TRIO: variants seen among roughly 807,000 people sequenced by gnomAD.
The protein encoded by TRIO is triple functional domain protein.
Under a neutral mutation model 351.9 loss-of-function variants are expected in TRIO, and 58 were observed. That is an observed-to-expected ratio of 0.16 (90% CI 0.13 to 0.21). TRIO has a LOEUF of 0.21. Among genes scored for constraint, TRIO ranks in the 10% least tolerant of loss-of-function variants. The probability of loss-of-function intolerance (pLI) is 1.00; values close to 1 mark genes in which losing one functional copy is unlikely to be tolerated. For missense variants in TRIO, 3,201 were observed against 4,027.8 expected, an observed-to-expected ratio of 0.79 and a Z score of 5.56; for synonymous variants, 1,758 against 1,595.7, an observed-to-expected ratio of 1.10 and a Z score of -2.42.
intron 1 of TRIO, among the ~76,000 whole-genome samples, chr5:14,182,889 C>CT (rs1789879387): frequency 6.7e-6 from 1 of 148,266 alleles, no homozygotes; most frequent in Non-Finnish European, 1.5e-5. Flanking sequence ...TTGCCGTGCA[C>CT]TTTGTTCTAG....
intron 34 of TRIO, among the ~76,000 whole-genome samples, chr5:14,434,933 A>G (rs1460285066): frequency 6.6e-6 from 1 of 152,230 alleles, no homozygotes; most frequent in African/African-American, 2.4e-5. Context: ...TCTAATAGTA[A>G]ATAAAGCAGT....
chr5:14,200,682 T>C (rs1163405140), intron 1 of TRIO, among the ~76,000 whole-genome samples: 1 of 152,164 alleles, frequency 6.6e-6, no homozygotes, highest in Non-Finnish European at 1.5e-5. Context: ...TAGATATAAG[T>C]GCAGTAAGGG....
rs536129199 is a variant in TRIO, at chr5:14,449,478, A to G, written c.5204-11541A>G. 2.6e-5 allele frequency among the ~76,000 whole-genome samples: 4 copies of G among 152,340 alleles called. No homozygotes were observed. The East Asian group carries it at 5.8e-4, about 22-fold the overall frequency. On this transcript the variant is annotated intron_variant, in intron 34 of 56. Transcript: ENST00000344204. ...GACGTGACTCACTAAGACTAGCCCA[A>G]CAACCACCACTTGATTCCTATGTTG...
chr5:14,427,954 C>T (rs1561479823), intron 34 of TRIO, among the ~76,000 whole-genome samples: 1 of 152,182 alleles, frequency 6.6e-6, no homozygotes, highest in African/African-American at 2.4e-5. Context: ...GACCAAGGTT[C>T]TTCTCTACCT....
Position 14,461,012 on chromosome 5 carries a change from C to T in TRIO, c.5204-7C>T. 6.4e-7 allele frequency: 1 copy of T among 1,556,446 alleles called. No individual in the cohort carries two copies. Among genetic ancestry groups the T allele is most frequent in the East Asian group, 2.4e-5 (1 of 42,434 alleles). The stretch of plus-strand genomic sequence containing the variant: ...TCAGTGATACTCCCTCTCTTTCTCC[C>T]TGGCAGACTCGCTCTCCGTCTCCAG... On this transcript the variant is annotated splice_polypyrimidine_tract_variant and splice_region_variant and intron_variant, in intron 34 of 56. Transcript: ENST00000344204.
chr5:14,253,182 T>C (rs1794839854), intron 1 of TRIO, among the ~76,000 whole-genome samples: 1 of 152,202 alleles, frequency 6.6e-6, no homozygotes, highest in African/African-American at 2.4e-5. Context: ...CACCACGGTC[T>C]TCTGGGTATG....
At chr5:14,289,508 G>A (rs746248032) in intron 4 of TRIO, among the ~76,000 whole-genome samples, 3 of 151,886 alleles carry the variant, frequency 2.0e-5, no homozygotes, top group Non-Finnish European at 2.9e-5. Context: ...TGTAATCATC[G>A]CCACACTCCA....
intron 40 of TRIO, 82 bp from the exon 41 acceptor site, chr5:14,476,798 AAAAAAGAAAAAAAG>A (rs746396985): frequency 5.0e-5 from 57 of 1,133,128 alleles, no homozygotes; most frequent in Admixed American, 4.3e-4. Flanking sequence ...TCTCAAAAAA[AAAAAAGAAAAAAAG>A]AAAAAGAAAA....
At chr5:14,366,378 T>G (rs1744590939) in intron 15 of TRIO, among the ~76,000 whole-genome samples, 1 of 152,162 alleles carries the variant, frequency 6.6e-6, no homozygotes, top group South Asian at 2.1e-4. Context: ...ACAATGTTAT[T>G]CATACCTTGG....
rs1229704722 is a variant in TRIO at position 14,423,738 on chromosome 5, T to C, written c.5203+3717T>C. 3.9e-5 allele frequency among the ~76,000 whole-genome samples: 6 copies of C among 152,098 alleles called. No homozygotes were observed. The East Asian group carries it at 1.2e-3, about 30-fold the overall frequency. On this transcript the variant is annotated intron_variant, in intron 34 of 56. Transcript: ENST00000344204. Reference sequence around the variant, plus strand: ...ATTTCTGGAGTGCCTGGCATGAATCTTTTTGACTGATAGTGTTTTGAGGGT... The same window carrying C: ...ATTTCTGGAGTGCCTGGCATGAATCCTTTTGACTGATAGTGTTTTGAGGGT...
At chr5:14,433,231 G>T (rs1344654327) in intron 34 of TRIO, among the ~76,000 whole-genome samples, 1 of 152,176 alleles carries the variant, frequency 6.6e-6, no homozygotes, top group African/African-American at 2.4e-5. Flanking sequence ...GGAGCCTATC[G>T]AATTCTTGGC....
Position 14,374,361 on chromosome 5 carries a change from T to G in TRIO, c.3331+18T>G, listed in dbSNP as rs1219959831. 1.2e-6 allele frequency: 2 copies of G among 1,603,150 alleles called. No homozygotes were observed. The highest frequency in any genetic ancestry group is 2.7e-5 in the African/African-American group (2 of 74,514). ...AGTGAAAAGTGAGTAGAGCTGGGAG[T>G]CTCCAGGGGTGGCCCAGTGCATGCC... On this transcript the variant is annotated intron_variant, in intron 19 of 56. Coordinates refer to ENST00000344204, the MANE Select transcript of TRIO (RefSeq NM_007118.4).
intron 2 of TRIO, 146 bp from the exon 3 acceptor site, chr5:14,280,176 A>G: frequency 5.8e-6 from 4 of 690,580 alleles, no homozygotes; most frequent in Non-Finnish European, 7.5e-6. Context: ...ACATGTCCTC[A>G]CTGTGCCTCA....
chr5:14,301,763 T>C (rs1451329776), intron 7 of TRIO, among the ~76,000 whole-genome samples: 2 of 152,234 alleles, frequency 1.3e-5, no homozygotes, highest in Non-Finnish European at 2.9e-5. Flanking sequence ...CCCTGTTCCA[T>C]GCATCTCGGA....
chr5:14,501,079 GAA>G (rs548275270), intron 53 of TRIO, among the ~76,000 whole-genome samples: 1 of 135,006 alleles, frequency 7.4e-6, no homozygotes, highest in African/African-American at 2.7e-5. Context: ...TTAAAAAAAA[GAA>G]AAAAAAAACA....
chr5:14,429,245 C>T (rs979858724), intron 34 of TRIO, among the ~76,000 whole-genome samples: 4 of 152,190 alleles, frequency 2.6e-5, no homozygotes, highest in African/African-American at 9.7e-5. Flanking sequence ...CAGCTCATGG[C>T]TCTGAGGGCA....
At chr5:14,200,795 T>C (rs1045769118) in intron 1 of TRIO, among the ~76,000 whole-genome samples, 1 of 152,234 alleles carries the variant, frequency 6.6e-6, no homozygotes, top group Non-Finnish European at 1.5e-5. Context: ...GTTACTGCTG[T>C]TGTTTAGCGT....
intron 1 of TRIO, among the ~76,000 whole-genome samples, chr5:14,241,782 A>G (rs1481468623): frequency 6.6e-6 from 1 of 152,206 alleles, no homozygotes; most frequent in Admixed American, 6.5e-5. Flanking sequence ...ATTTGCTTCT[A>G]GGTTTACATG....
intron 48 of TRIO, among the ~76,000 whole-genome samples, chr5:14,490,187 G>A (rs1756378945): frequency 6.6e-6 from 1 of 152,246 alleles, no homozygotes; most frequent in Admixed American, 6.5e-5. Context: ...GCTGAGGCAG[G>A]AGAATCGCTT....
Sources: gnomAD v4.1 joint callset for allele counts (sites outside exome capture counted in the v4.1 genomes callset) on GRCh38, gnomAD v4.1.1 for gene constraint, MANE v1.5 for transcripts, NCBI Gene and HGNC (gene_info 2026-07-23, HGNC 2026-07-21) for gene names.